The following ZNF608 variants were observed in gnomAD, a reference collection of about 807,000 sequenced individuals.
The protein encoded by ZNF608 is zinc finger protein 608, also known as renal carcinoma antigen NY-REN-36.
Under a neutral mutation model 109.0 loss-of-function variants are expected in ZNF608, and 12 were observed. The ratio of observed to expected loss-of-function variants is 0.11; its 90% CI spans 0.07 to 0.18. ZNF608 has a LOEUF of 0.18. Among genes scored for constraint, ZNF608 ranks in the 10% least tolerant of loss-of-function variants. The probability of loss-of-function intolerance (pLI) is 1.00; values close to 1 mark genes in which losing one functional copy is unlikely to be tolerated. For missense variants in ZNF608, 1,707 were observed against 1,879.3 expected (o/e 0.91, Z 1.70); for synonymous variants, 732 against 717.4 (o/e 1.02, Z -0.33).
chr5:124,742,131 A>G (rs1749435902), intron 2 of ZNF608, among the ~76,000 whole-genome samples: 1 of 152,130 alleles, frequency 6.6e-6, no homozygotes. Context: ...AGTTGCATGT[A>G]TATGAATAAT....
At chr5:124,723,863 T>C (rs969292229) in intron 2 of ZNF608, among the ~76,000 whole-genome samples, 1 of 151,934 alleles carries the variant, frequency 6.6e-6, no homozygotes, top group East Asian at 1.9e-4. Flanking sequence ...TACACTGAAA[T>C]ACTTTAAAAT....
chr5:124,677,025 G>A (rs1751975188), intron 3 of ZNF608, among the ~76,000 whole-genome samples: 1 of 152,136 alleles, frequency 6.6e-6, no homozygotes, highest in Non-Finnish European at 1.5e-5. Context: ...CTAGTGATAG[G>A]AAATATACGT....
intron 3 of ZNF608, among the ~76,000 whole-genome samples, chr5:124,679,513 G>T (rs373437473): frequency 8.6e-5 from 13 of 151,378 alleles, no homozygotes; most frequent in African/African-American, 2.9e-4. Flanking sequence ...CAATGTGCTG[G>T]GCACCGGGGC....
chr5:124,675,984 A>G (rs79710065), intron 3 of ZNF608, among the ~76,000 whole-genome samples: 6,538 of 152,296 alleles, frequency 0.043, 211 homozygotes, highest in East Asian at 0.14. Flanking sequence ...GCCAAGAGCT[A>G]AAAGACATGA....
At chr5:124,645,147 A>G (rs1249856855) in intron 5 of ZNF608, among the ~76,000 whole-genome samples, 1 of 152,196 alleles carries the variant, frequency 6.6e-6, no homozygotes, top group Non-Finnish European at 1.5e-5. Context: ...AACATCACTT[A>G]GGAGGAAAAA....
chr5:124,639,114 A>G lies in ZNF608; in HGVS notation c.4532+19T>C, dbSNP rs747298172. ...GATATTTCTATCTACAACTAATTAA[A>G]AATGTAGAGGATATTTACCTTCTTT... On this transcript the variant is annotated intron_variant, in intron 9 of 9. Coordinates refer to ENST00000513986, the MANE Select transcript of ZNF608 (RefSeq NM_020747.3). 3.1e-6 allele frequency: 5 copies of G among 1,611,810 alleles called. No homozygotes were observed. Among genetic ancestry groups the G allele is most frequent in the Non-Finnish European group, 3.4e-6 (4 of 1,178,146 alleles).
At chr5:124,692,066 T>C (rs1192899754) in intron 3 of ZNF608, among the ~76,000 whole-genome samples, 1 of 152,214 alleles carries the variant, frequency 6.6e-6, no homozygotes, top group Non-Finnish European at 1.5e-5. Flanking sequence ...AAAAACCGTA[T>C]TGAGGATATG....
intron 3 of ZNF608, among the ~76,000 whole-genome samples, chr5:124,689,555 G>T (rs1752534178): frequency 6.7e-6 from 1 of 150,054 alleles, no homozygotes; most frequent in South Asian, 2.1e-4. Context: ...TCAATAATAA[G>T]AAAACAACTC....
At chr5:124,733,384 T>G (rs1171571423) in intron 2 of ZNF608, among the ~76,000 whole-genome samples, 3 of 152,182 alleles carry the variant, frequency 2.0e-5, no homozygotes, top group Admixed American at 6.5e-5. Flanking sequence ...AGATGCACAG[T>G]GGCTTCTACA....
At chr5:124,686,470 A>G (rs1331704426) in intron 3 of ZNF608, among the ~76,000 whole-genome samples, 2 of 152,234 alleles carry the variant, frequency 1.3e-5, no homozygotes, top group Non-Finnish European at 1.5e-5. Context: ...GAGGGAGCCA[A>G]GCCAATGCCC....
rs960918680 is a variant in ZNF608 at position 124,660,550 on chromosome 5, G to A, written c.1163-10853C>T. On this transcript the variant is annotated intron_variant, in intron 3 of 9. Coordinates refer to ENST00000513986, the MANE Select transcript of ZNF608 (RefSeq NM_020747.3). ...AGGAAGGAAGAAAGAATAAACAGTG[G>A]CCATCAAATGGAGCACCCTAAGCAC... 2.0e-5 allele frequency among the ~76,000 whole-genome samples: 3 copies of A among 152,092 alleles called. No homozygotes were observed. The East Asian group carries it at 5.8e-4, about 29-fold the overall frequency.
At chr5:124,691,807 C>T (rs1338788012) in intron 3 of ZNF608, among the ~76,000 whole-genome samples, 3 of 151,818 alleles carry the variant, frequency 2.0e-5, no homozygotes, top group East Asian at 1.9e-4. Context: ...CAGCAACTGT[C>T]GGTGGGTAAA....
intron 7 of ZNF608, among the ~76,000 whole-genome samples, chr5:124,641,660 G>GA (rs1750245661): frequency 6.6e-6 from 1 of 152,166 alleles, no homozygotes; most frequent in African/African-American, 2.4e-5. Context: ...ACGGAAATAA[G>GA]AGGATTTCTC....
At chr5:124,652,032 G>T (rs1278447210) in intron 3 of ZNF608, among the ~76,000 whole-genome samples, 1 of 152,272 alleles carries the variant, frequency 6.6e-6, no homozygotes, top group South Asian at 2.1e-4. Context: ...GGCCCACGCA[G>T]AACCCTCAGA....
At position 124,648,783 on chromosome 5, in the gene ZNF608, G is replaced by C. The variant is rs749113961; in HGVS notation, c.1601C>G (p.Pro534Arg). 3.1e-6 allele frequency: 5 copies of C among 1,614,122 alleles called. No homozygotes were observed. Among genetic ancestry groups the C allele is most frequent in the Non-Finnish European group, 3.4e-6 (4 of 1,180,050 alleles). The change falls in exon 5 of 10, where the codon CCT becomes CGT. Residue 534 changes from proline to arginine, a missense_variant. By Grantham distance (103) the Pro-to-Arg change is moderately radical. Transcript: ENST00000513986. The stretch of plus-strand genomic sequence containing the variant: ...AAAAGTAGTCTCTGGTTTCCCTTGA[G>C]GGGTAGTGGGAGTGCTTCTGGAATT... The part of the protein sequence containing the change: ...RTNSRSTPTT[P>R]QGKPETTFLD...
chr5:124,721,465 G>A (rs73298936), intron 2 of ZNF608, among the ~76,000 whole-genome samples: 1,922 of 152,192 alleles, frequency 0.013, 17 homozygotes, highest in Middle Eastern at 0.034. Flanking sequence ...GGAAACATGC[G>A]CTCACACACC....
rs61752319 is a variant in ZNF608 at position 124,701,214 on chromosome 5, G to A, written c.962C>T (p.Thr321Met). 4,524 of 1,614,146 alleles carry A rather than the reference G, an allele frequency of 2.8e-3. 17 individuals are homozygous for A. The highest frequency in any genetic ancestry group is 4.0e-3 in the Middle Eastern group (24 of 6,060). ...APPPPISSSL[T>M]PQILPSYFSP... Reference sequence around the variant, plus strand: ...AAAGTAGGAGGGTAGAATCTGAGGCGTGAGACTGCTGGAAATCGGCGGTGG... The same window carrying A: ...AAAGTAGGAGGGTAGAATCTGAGGCATGAGACTGCTGGAAATCGGCGGTGG... Residue 321 changes from threonine to methionine, a missense_variant, in exon 3 of 10, where the codon ACG becomes ATG. Around this residue, in one of 7 missense-constraint regions of ZNF608, gnomAD observed 407 missense variants for 398.7 expected, o/e 1.02. Transcript: ENST00000513986.
intron 3 of ZNF608, among the ~76,000 whole-genome samples, chr5:124,684,039 T>A (rs1752306426): frequency 6.6e-6 from 1 of 152,240 alleles, no homozygotes; most frequent in South Asian, 2.1e-4. Context: ...ACTAGTTTAA[T>A]AAATGATGTG....
At chr5:124,746,844 G>A, upstream of ZNF608, 1 of 927,624 alleles carries the variant, frequency 1.1e-6, no homozygotes, top group Non-Finnish European at 1.3e-6. Flanking sequence ...AGGGTGGGAT[G>A]AGAAACTGGG....
Sources: gnomAD v4.1 joint callset for allele counts (sites outside exome capture counted in the v4.1 genomes callset) on GRCh38, gnomAD v4.1.1 for gene constraint, gnomAD v4.1.1 regional missense constraint, MANE v1.5 for transcripts, NCBI Gene and HGNC (gene_info 2026-07-23, HGNC 2026-07-21) for gene names.